The following FGF12 variants were observed in gnomAD, a reference collection of about 807,000 sequenced individuals.
The protein encoded by FGF12 is fibroblast growth factor 12.
In FGF12, 14 loss-of-function variants were observed where a neutral mutation model predicts 23.6. That is an observed-to-expected ratio of 0.59 (90% confidence interval 0.39 to 0.93). The LOEUF (loss-of-function observed/expected upper bound fraction) is 0.93. Among genes scored for constraint, FGF12 ranks in the 40% least tolerant of loss-of-function variants. The probability of loss-of-function intolerance (pLI) is 0.00; values close to 1 mark genes in which losing one functional copy is unlikely to be tolerated. For synonymous variants in FGF12, 62 were observed against 77.3 expected (o/e 0.80, Z 1.04); for missense variants, 175 against 217.8 (o/e 0.80, Z 1.24).
At chr3:192,284,425 C>A (rs1714327859) in intron 4 of FGF12, among the ~76,000 whole-genome samples, 1 of 152,010 alleles carries the variant, frequency 6.6e-6, no homozygotes, top group Non-Finnish European at 1.5e-5. Context: ...AATCTTTACA[C>A]CAGAAGTTTC....
chr3:192,594,078 C>T (rs1713738454), intron 2 of FGF12, among the ~76,000 whole-genome samples: 1 of 151,818 alleles, frequency 6.6e-6, no homozygotes, highest in African/African-American at 2.4e-5. Context: ...CGTAGTGGAG[C>T]TGGGGCTTGA....
chr3:192,173,551 T>G (rs775282982), intron 4 of FGF12, among the ~76,000 whole-genome samples: 29 of 152,212 alleles, frequency 1.9e-4, no homozygotes, highest in Non-Finnish European at 3.4e-4. Context: ...TAAAGTATTT[T>G]TAAAATGCTT....
intron 2 of FGF12, among the ~76,000 whole-genome samples, chr3:192,667,399 T>C (rs749320434): frequency 9.2e-5 from 14 of 151,590 alleles, no homozygotes; most frequent in Non-Finnish European, 1.9e-4. Context: ...AAGTCAGGAA[T>C]TGGAGACCAG....
chr3:192,627,852 ATGTGTG>A (rs138709721), intron 2 of FGF12, among the ~76,000 whole-genome samples: 7 of 147,350 alleles, frequency 4.8e-5, no homozygotes, highest in Non-Finnish European at 9.0e-5. Flanking sequence ...GTGTGTGTGC[ATGTGTG>A]TGTGTGTGTG....
chr3:192,385,652 CCATAGTT>C (rs1720009626), intron 2 of FGF12, among the ~76,000 whole-genome samples: 1 of 111,314 alleles, frequency 9.0e-6, no homozygotes, highest in South Asian at 2.8e-4. Flanking sequence ...CACATATAAA[CCATAGTT>C]TATATGTCCA....
chr3:192,164,114 G>A (rs976915961), intron 5 of FGF12, among the ~76,000 whole-genome samples: 1 of 152,074 alleles, frequency 6.6e-6, no homozygotes, highest in African/African-American at 2.4e-5. Context: ...TGAAGGAGGA[G>A]GGAGGAGAAA....
chr3:192,624,068 TAAG>T lies in FGF12; in HGVS notation c.13+103110_13+103112del, dbSNP rs1189227633. ...CATGACATTATGAGGCTCCGTGGTT[TAAG>T]TTCCTTTTTTCCATATTTTCTTTAG... On this transcript the variant is annotated intron_variant, in intron 2 of 5. Transcript: ENST00000445105. Among the ~76,000 whole-genome samples the T allele has an allele frequency of 3.8e-4, 58 of 152,306 alleles. No individual in the cohort carries two copies. In the South Asian group the frequency reaches 0.01, roughly 27 times the overall value.
At chr3:192,582,813 A>C (rs947235341) in intron 2 of FGF12, among the ~76,000 whole-genome samples, 3 of 152,152 alleles carry the variant, frequency 2.0e-5, no homozygotes, top group African/African-American at 7.2e-5. Flanking sequence ...TCTCAGCTTC[A>C]TTTGACCCTA....
At chr3:192,444,840 T>G (rs558071155) in intron 2 of FGF12, among the ~76,000 whole-genome samples, 2 of 152,348 alleles carry the variant, frequency 1.3e-5, no homozygotes, top group Admixed American at 1.3e-4. Flanking sequence ...AATTCATGAA[T>G]TCTCTATCTT....
chr3:192,230,224 T>A (rs751237276), intron 4 of FGF12, among the ~76,000 whole-genome samples: 1 of 152,180 alleles, frequency 6.6e-6, no homozygotes, highest in Non-Finnish European at 1.5e-5. Flanking sequence ...TCATTCAATA[T>A]TAAAAATGTT....
chr3:192,651,856 C>T (rs1716224728), intron 2 of FGF12, among the ~76,000 whole-genome samples: 1 of 152,154 alleles, frequency 6.6e-6, no homozygotes, highest in Non-Finnish European at 1.5e-5. Context: ...GCGTGAGGTC[C>T]AGCAACTAAT....
At chr3:192,612,248 A>G (rs1280142477) in intron 2 of FGF12, among the ~76,000 whole-genome samples, 1 of 151,908 alleles carries the variant, frequency 6.6e-6, no homozygotes, top group African/African-American at 2.4e-5. Context: ...GGGTGCTCCT[A>G]TCTACCTGGA....
In FGF12 at chr3:192,251,210, C is replaced by G. The variant is rs181033112; in HGVS notation, c.229-80554G>C. On this transcript the variant is annotated intron_variant, in intron 4 of 5. Transcript: ENST00000445105. ...TTCAAACTCATATAACATGTTTCTC[C>G]TAGAAAGAGCTGCTTATCTTTTCCT... Among the ~76,000 whole-genome samples the G allele has an allele frequency of 5.0e-3, 758 of 152,224 alleles. 8 individuals carry two copies. Among genetic ancestry groups the G allele is most frequent in the African/African-American group, 0.017 (717 of 41,538 alleles).
intron 2 of FGF12, among the ~76,000 whole-genome samples, chr3:192,535,296 C>CATCCATAT (rs1725198141): frequency 6.6e-6 from 1 of 152,170 alleles, no homozygotes; most frequent in African/African-American, 2.4e-5. Flanking sequence ...CCTAGTCTTT[C>CATCCATAT]ATCCATATAT....
At chr3:192,500,879 C>T (rs1446411921) in intron 2 of FGF12, among the ~76,000 whole-genome samples, 1 of 152,122 alleles carries the variant, frequency 6.6e-6, no homozygotes, top group Non-Finnish European at 1.5e-5. Context: ...GGTTAAAGAA[C>T]AACTCTGAAG....
chr3:192,197,281 A>G (rs937971411), intron 4 of FGF12, among the ~76,000 whole-genome samples: 1 of 152,168 alleles, frequency 6.6e-6, no homozygotes, highest in Non-Finnish European at 1.5e-5. Flanking sequence ...GAACTTCAAG[A>G]TCAGGCAATC....
At chr3:192,471,603 T>C (rs9882713) in intron 2 of FGF12, among the ~76,000 whole-genome samples, 6,124 of 152,270 alleles carry the variant, frequency 0.04, 424 homozygotes, top group African/African-American at 0.14. Context: ...TTGAAGTAAC[T>C]CAAATTACTT....
At chr3:192,496,042 T>C (rs775503634) in intron 2 of FGF12, among the ~76,000 whole-genome samples, 3 of 152,164 alleles carry the variant, frequency 2.0e-5, no homozygotes, top group African/African-American at 4.8e-5. Flanking sequence ...AGAGCTAGAC[T>C]CTTATGTAAA....
chr3:192,481,360 A>G (rs1022209052), intron 2 of FGF12, among the ~76,000 whole-genome samples: 3 of 152,272 alleles, frequency 2.0e-5, no homozygotes, highest in Non-Finnish European at 2.9e-5. Flanking sequence ...CCTGATGTAT[A>G]CTGGACCCTA....
Sources: gnomAD v4.1 joint callset for allele counts (sites outside exome capture counted in the v4.1 genomes callset) on GRCh38, gnomAD v4.1.1 for gene constraint, MANE v1.5 for transcripts, NCBI Gene and HGNC (gene_info 2026-07-23, HGNC 2026-07-21) for gene names.